AS3MT: variants seen among roughly 807,000 people sequenced by gnomAD.
AS3MT encodes arsenite methyltransferase.
Under a neutral mutation model 45.3 loss-of-function variants are expected in AS3MT, and 47 were observed. The observed-to-expected ratio is 1.04, with a 90% confidence interval of 0.82 to 1.32. AS3MT has a LOEUF of 1.32. Ranked by LOEUF, AS3MT falls within the 40% of genes most tolerant of loss-of-function variation. AS3MT has a pLI of 0.00. For synonymous variants in AS3MT, 141 were observed against 152.8 expected, an observed-to-expected ratio of 0.92 and a Z score of 0.57; for missense variants, 396 against 451.1, an observed-to-expected ratio of 0.88 and a Z score of 1.11.
At chr10:102,874,784 G>A in intron 6 of AS3MT, 123 bp downstream of exon 6, 1 of 765,078 alleles carries the variant, frequency 1.3e-6, no homozygotes, top group South Asian at 1.6e-5. Flanking sequence ...AATGAATAAG[G>A]GGTGGCAAAA....
chr10:102,878,510 G>T lies in AS3MT; in HGVS notation c.742G>T (p.Gly248Cys). 1 of 1,613,678 alleles carries T rather than the reference G, an allele frequency of 6.2e-7. No homozygotes were observed. The change falls in exon 8 of 11, where the codon GGT becomes TGT. Residue 248 changes from glycine to cysteine, a missense_variant and splice_region_variant. Physicochemically the swap from Gly to Cys is radical, Grantham distance 159. Coordinates refer to ENST00000369880, the MANE Select transcript of AS3MT (RefSeq NM_020682.4). ...IQNKELERVIGDCRFVSATFR... is the reference protein window; with the variant it reads ...IQNKELERVICDCRFVSATFR... ...AAACAAGGAACTGGAAAGAGTTATC[G>T]GTAAGATATGACAGACAGCAGGGAC...
intron 9 of AS3MT, among the ~76,000 whole-genome samples, chr10:102,890,090 T>A (rs1383315750): frequency 6.7e-6 from 1 of 148,206 alleles, no homozygotes; most frequent in Admixed American, 6.9e-5. Flanking sequence ...AAGCTCCACC[T>A]CCCGGGTTCA....
chr10:102,892,430 T>A (rs1385864789), intron 10 of AS3MT, among the ~76,000 whole-genome samples: 2 of 152,068 alleles, frequency 1.3e-5, no homozygotes, highest in Non-Finnish European at 2.9e-5. Context: ...TTTGAGAGAA[T>A]TATTTCAGAC....
chr10:102,883,932 C>G (rs1446673136), intron 9 of AS3MT, among the ~76,000 whole-genome samples: 2 of 151,206 alleles, frequency 1.3e-5, no homozygotes, highest in Non-Finnish European at 2.9e-5. Context: ...AGATCAAAGT[C>G]TACTCTTTTA....
At chr10:102,898,286 A>G (rs1237969043) in intron 10 of AS3MT, among the ~76,000 whole-genome samples, 1 of 152,124 alleles carries the variant, frequency 6.6e-6, no homozygotes, top group Non-Finnish European at 1.5e-5. Flanking sequence ...CATTAAAACA[A>G]TTGTACTATT....
chr10:102,876,519 C>T (rs77335224), intron 6 of AS3MT, among the ~76,000 whole-genome samples: 17,173 of 152,006 alleles, frequency 0.11, 1,101 homozygotes, highest in East Asian at 0.25. Context: ...CTCCAGCAAG[C>T]CTCCCACTTC....
Position 102,877,020 on chromosome 10 carries a change from C to T in AS3MT, c.595C>T (p.His199Tyr). The T allele has an allele frequency of 6.2e-7, 1 of 1,614,094 alleles. No homozygotes were observed. Among genetic ancestry groups the T allele is most frequent in the Non-Finnish European group, 8.5e-7 (1 of 1,179,966 alleles). The change falls in exon 7 of 11, where the codon CAC (histidine) becomes TAC (tyrosine). Residue 199 changes from histidine (H) to tyrosine (Y), a missense_variant. By Grantham distance (83) the His-to-Tyr change is moderately conservative. Coordinates refer to ENST00000369880, the MANE Select transcript of AS3MT (RefSeq NM_020682.4). ...TGAACTGCCAGAAGAAATCAGGACACACAAAGTTTTATGGGGTAGGTGATT... is the reference window on the plus strand; with the variant it reads ...TGAACTGCCAGAAGAAATCAGGACATACAAAGTTTTATGGGGTAGGTGATT... ...SLELPEEIRTHKVLWGECLGG... is the reference protein window; with the variant it reads ...SLELPEEIRTYKVLWGECLGG...
At chr10:102,889,607 T>TCTGTCTGCCTGCCTGCCTGCCTGC in intron 9 of AS3MT, among the ~76,000 whole-genome samples, 1 of 123,702 alleles carries the variant, frequency 8.1e-6, no homozygotes, top group South Asian at 3.0e-4. Context: ...CCCCTGCCTG[T>TCTGTCTGCCTGCCTGCCTGCCTGC]CTGCCTGCCT....
chr10:102,877,733 AC>A (rs1031852072), intron 7 of AS3MT, among the ~76,000 whole-genome samples: 4 of 145,502 alleles, frequency 2.7e-5, no homozygotes, highest in Non-Finnish European at 6.0e-5. Flanking sequence ...TAATCATATA[AC>A]CCAGTGATAA....
chr10:102,877,184 T>A, intron 7 of AS3MT, 149 bp downstream of exon 7: 1 of 696,304 alleles, frequency 1.4e-6, no homozygotes. Context: ...CATTCAAAAG[T>A]GATAGGGCTT....
At chr10:102,890,869 G>A (rs762165643) in intron 10 of AS3MT, among the ~76,000 whole-genome samples, 191 bp downstream of exon 10, 4 of 151,942 alleles carry the variant, frequency 2.6e-5, no homozygotes, top group Non-Finnish European at 5.9e-5. Flanking sequence ...CCACCACCAC[G>A]CCCGGCTAAT....
chr10:102,869,817 G>C lies in AS3MT; in HGVS notation c.14G>C (p.Arg5Pro). 2 of 1,614,080 alleles carry C rather than the reference G, an allele frequency of 1.2e-6. No homozygotes were observed. The part of the protein sequence containing the change: MAAL[R>P]DAEIQKDVQT... ...CCGCTCCCGACAGTGGCTGCACTTC[G>C]TGACGCTGAGATACAGAAGGACGTG... The change falls in exon 2 of 11, where the codon CGT (arginine) becomes CCT (proline). Residue 5 changes from arginine (R) to proline (P), a missense_variant. Physicochemically the swap from Arg to Pro is moderately radical, Grantham distance 103 (BLOSUM62 -2). Coordinates refer to ENST00000369880, the MANE Select transcript of AS3MT (RefSeq NM_020682.4).
intron 9 of AS3MT, among the ~76,000 whole-genome samples, chr10:102,887,644 G>C (rs1212498874): frequency 6.6e-6 from 1 of 151,748 alleles, no homozygotes; most frequent in African/African-American, 2.4e-5. Flanking sequence ...GTTCTTTTTT[G>C]GTTTCCAGTT....
chr10:102,897,170 G>C (rs888442075), intron 10 of AS3MT, among the ~76,000 whole-genome samples: 3 of 151,996 alleles, frequency 2.0e-5, no homozygotes, highest in Non-Finnish European at 4.4e-5. Context: ...GGATCACGAG[G>C]TCAGGAGATC....
At chr10:102,895,344 C>T (rs891886427) in intron 10 of AS3MT, among the ~76,000 whole-genome samples, 8 of 151,862 alleles carry the variant, frequency 5.3e-5, no homozygotes, top group African/African-American at 1.9e-4. Context: ...ATTACAGGTG[C>T]GCCAGCCACC....
intron 10 of AS3MT, among the ~76,000 whole-genome samples, chr10:102,898,151 A>G (rs1845211052): frequency 6.6e-6 from 1 of 151,938 alleles, no homozygotes; most frequent in South Asian, 2.1e-4. Context: ...CCTTTATGAT[A>G]AACGCTGGAG....
chr10:102,885,576 C>T (rs112049510), intron 9 of AS3MT, among the ~76,000 whole-genome samples: 1 of 54,566 alleles, frequency 1.8e-5, no homozygotes, highest in African/African-American at 7.4e-5. Flanking sequence ...GTCGCCCAGG[C>T]TGGAGTGCAG....
intron 10 of AS3MT, among the ~76,000 whole-genome samples, chr10:102,892,372 AG>A (rs1015180384): frequency 7.9e-5 from 12 of 152,160 alleles, no homozygotes; most frequent in African/African-American, 2.9e-4. Flanking sequence ...CTCTAGGCCC[AG>A]GGACCTATCA....
chr10:102,895,691 A>C (rs916881356), intron 10 of AS3MT, among the ~76,000 whole-genome samples: 1 of 152,034 alleles, frequency 6.6e-6, no homozygotes, highest in Non-Finnish European at 1.5e-5. Flanking sequence ...TGATCCACCC[A>C]CCTAGGTTGC....
Sources: gnomAD v4.1 joint callset for allele counts (sites outside exome capture counted in the v4.1 genomes callset) on GRCh38, gnomAD v4.1.1 for gene constraint, MANE v1.5 for transcripts, NCBI Gene and HGNC (gene_info 2026-07-23, HGNC 2026-07-21) for gene names.